Variants in FAM53B observed in about 807,000 individuals in gnomAD.
The protein encoded by FAM53B is protein FAM53B.
Under a neutral mutation model 32.7 loss-of-function variants are expected in FAM53B, and 12 were observed. The ratio of observed to expected loss-of-function variants is 0.37; its 90% CI spans 0.24 to 0.59. FAM53B has a LOEUF of 0.59. Ranked by LOEUF, FAM53B falls within the 20% of genes least tolerant of loss-of-function variation. The pLI, the probability that FAM53B is intolerant of heterozygous loss-of-function variation, is 0.72. For synonymous variants in FAM53B, 234 were observed against 228.7 expected (o/e 1.02, Z -0.21); for missense variants, 477 against 577.7 (o/e 0.83, Z 1.79).
intron 4 of FAM53B, among the ~76,000 whole-genome samples, chr10:124,631,752 C>T (rs1439092005): frequency 6.6e-6 from 1 of 152,188 alleles, no homozygotes; most frequent in Non-Finnish European, 1.5e-5. Context: ...TAAACCCCCT[C>T]TGCACCAGCC....
intron 4 of FAM53B, among the ~76,000 whole-genome samples, chr10:124,633,179 A>C (rs1949402476): frequency 6.6e-6 from 1 of 152,050 alleles, no homozygotes. Flanking sequence ...AAGAGCAAGA[A>C]GACACGCCAG....
chr10:124,661,625 G>A (rs940971438), intron 4 of FAM53B, among the ~76,000 whole-genome samples: 1 of 152,180 alleles, frequency 6.6e-6, no homozygotes, highest in African/African-American at 2.4e-5. Context: ...AGGAGGGAAG[G>A]GACCTTTTAC....
intron 1 of FAM53B, among the ~76,000 whole-genome samples, chr10:124,715,559 G>GC (rs1033711860): frequency 3.9e-5 from 6 of 152,124 alleles, no homozygotes; most frequent in East Asian, 1.9e-4. Context: ...TTTGTGGGGA[G>GC]CCCCCCCTCC....
intron 3 of FAM53B, among the ~76,000 whole-genome samples, chr10:124,692,282 C>G (rs1402292689): frequency 1.3e-5 from 2 of 152,166 alleles, no homozygotes; most frequent in South Asian, 2.1e-4. Context: ...GTTCTCTCTT[C>G]CACACTGAGA....
intron 4 of FAM53B, among the ~76,000 whole-genome samples, chr10:124,679,534 T>A (rs1203737772): frequency 1.3e-5 from 2 of 152,182 alleles, no homozygotes; most frequent in East Asian, 3.9e-4. Context: ...CAGAGCCCCA[T>A]GGAGAGAGGG....
rs529480160 is a variant in FAM53B, at chr10:124,651,134, A to G, written c.907-27530T>C. On this transcript the variant is annotated intron_variant, in intron 4 of 4. Coordinates refer to ENST00000337318, the MANE Select transcript of FAM53B (RefSeq NM_014661.4). This position sits in a 1 kb window ranked among gnomAD's most constrained non-coding sequence, Gnocchi z 5.2. Reference sequence around the variant, plus strand: ...GGCCAGCTGCACTCAGCACAGGGGCAAAGCCAAGCCTTCTGTCCTTGCCGG... The same window carrying G: ...GGCCAGCTGCACTCAGCACAGGGGCGAAGCCAAGCCTTCTGTCCTTGCCGG... Among the ~76,000 whole-genome samples the G allele has an allele frequency of 2.6e-5, 4 of 152,246 alleles. No homozygotes were observed. Among genetic ancestry groups the G allele is most frequent in the African/African-American group, 9.6e-5 (4 of 41,470 alleles).
chr10:124,665,975 G>A (rs890337759), intron 4 of FAM53B, among the ~76,000 whole-genome samples: 4 of 152,206 alleles, frequency 2.6e-5, no homozygotes, highest in Non-Finnish European at 5.9e-5. Context: ...TACCTTGCAG[G>A]TAAGGATGGG....
chr10:124,719,395 C>G (rs1014172120), intron 1 of FAM53B, among the ~76,000 whole-genome samples: 1 of 152,150 alleles, frequency 6.6e-6, no homozygotes, highest in Non-Finnish European at 1.5e-5. Context: ...CAGAGTCACC[C>G]GGCTTTAAAG....
At chr10:124,650,896 C>CCT (rs755624895) in intron 4 of FAM53B, among the ~76,000 whole-genome samples, 20 of 152,140 alleles carry the variant, frequency 1.3e-4, no homozygotes, top group Non-Finnish European at 2.8e-4. Flanking sequence ...CTGAAACCCC[C>CCT]CTCTTGCCTT....
chr10:124,690,147 G>A (rs909888430), intron 3 of FAM53B, among the ~76,000 whole-genome samples: 3 of 152,222 alleles, frequency 2.0e-5, no homozygotes, highest in African/African-American at 7.2e-5. Flanking sequence ...GGGAACTGGC[G>A]ACAGGCAGAG....
intron 4 of FAM53B, among the ~76,000 whole-genome samples, chr10:124,631,222 T>C (rs1320107843): frequency 1.3e-5 from 2 of 152,164 alleles, no homozygotes; most frequent in Non-Finnish European, 2.9e-5. Context: ...CTTTACACAG[T>C]GTAGCCTTGC....
rs529272467 is a variant in FAM53B, at chr10:124,626,400, C to G, written c.907-2796G>C. ...GGTCGAAATTTGTGCCCCCCCCCCC[C>G]CCACCATTCCTCAGTGCAAAAGGTG... is the stretch of plus-strand genomic sequence containing the variant. On this transcript the variant is annotated intron_variant, in intron 4 of 4. Transcript: ENST00000337318. Among the ~76,000 whole-genome samples the G allele has an allele frequency of 1.8e-4, 26 of 146,830 alleles. No individual in the cohort carries two copies. The East Asian group carries it at 1.8e-3, about 10-fold the overall frequency.
At chr10:124,650,629 G>A (rs1295710952) in intron 4 of FAM53B, among the ~76,000 whole-genome samples, 1 of 152,154 alleles carries the variant, frequency 6.6e-6, no homozygotes, top group Non-Finnish European at 1.5e-5. Context: ...GCACAGCGAA[G>A]CCGAGAGCTG....
At chr10:124,697,174 C>T (rs553225052) in intron 2 of FAM53B, among the ~76,000 whole-genome samples, 28 of 152,278 alleles carry the variant, frequency 1.8e-4, no homozygotes, top group Admixed American at 3.9e-4. Context: ...CTCGCCCACT[C>T]GCTCAGTGGG....
chr10:124,632,911 G>A (rs1308665947), intron 4 of FAM53B, among the ~76,000 whole-genome samples: 1 of 152,206 alleles, frequency 6.6e-6, no homozygotes, highest in Non-Finnish European at 1.5e-5. Context: ...ATCCCAGCTC[G>A]GGTGTGCCCT....
intron 4 of FAM53B, among the ~76,000 whole-genome samples, chr10:124,644,275 G>A (rs1949497180): frequency 6.6e-6 from 1 of 152,212 alleles, no homozygotes; most frequent in Non-Finnish European, 1.5e-5. Context: ...GCACAGTCAT[G>A]GCACACAGCC....
intron 4 of FAM53B, among the ~76,000 whole-genome samples, chr10:124,625,984 C>T (rs1949346026): frequency 6.6e-6 from 1 of 152,178 alleles, no homozygotes; most frequent in African/African-American, 2.4e-5. Context: ...TAATCATGTC[C>T]AGTCAAGGCC....
chr10:124,632,864 C>G (rs559457486), intron 4 of FAM53B, among the ~76,000 whole-genome samples: 7 of 152,328 alleles, frequency 4.6e-5, no homozygotes, highest in African/African-American at 7.2e-5. Context: ...TCCGGCAGGA[C>G]GGTGGGGTAG....
At chr10:124,671,558 A>G (rs924579223) in intron 4 of FAM53B, among the ~76,000 whole-genome samples, 5 of 152,114 alleles carry the variant, frequency 3.3e-5, no homozygotes, top group African/African-American at 1.2e-4. Context: ...CACTCCACCC[A>G]CAGAGCTCCA....
Sources: allele counts gnomAD v4.1 joint callset (sites outside exome capture counted in the v4.1 genomes callset), GRCh38; gene constraint gnomAD v4.1.1; non-coding constraint Gnocchi (gnomAD v3.1); transcripts MANE v1.5; gene names NCBI Gene and HGNC (gene_info 2026-07-23, HGNC 2026-07-21).